Variants in PWP1 observed in about 807,000 individuals in gnomAD.
The protein encoded by PWP1 is PWP1 homolog, endonuclein, also known as periodic tryptophan protein 1 homolog.
In PWP1, 47 loss-of-function variants were observed where a neutral mutation model predicts 69.9. That is an observed-to-expected ratio of 0.67 (90% CI 0.53 to 0.86). PWP1 has a LOEUF of 0.86. Among genes scored for constraint, PWP1 ranks in the 40% least tolerant of loss-of-function variants. The probability of loss-of-function intolerance (pLI) is 0.00; values close to 1 mark genes in which losing one functional copy is unlikely to be tolerated. For synonymous variants in PWP1, 222 were observed against 208.2 expected, an observed-to-expected ratio of 1.07 and a Z score of -0.57; for missense variants, 551 against 608.8, an observed-to-expected ratio of 0.91 and a Z score of 1.00.
intron 3 of PWP1, among the ~76,000 whole-genome samples, chr12:107,689,488 G>C (rs1889439263): frequency 6.6e-6 from 1 of 152,192 alleles, no homozygotes; most frequent in Non-Finnish European, 1.5e-5. Context: ...ACTCACGCCT[G>C]TAATCCCAGC....
intron 13 of PWP1, among the ~76,000 whole-genome samples, chr12:107,709,800 T>TATAA (rs1235056169): frequency 1.3e-5 from 2 of 151,944 alleles, no homozygotes; most frequent in African/African-American, 2.4e-5. Context: ...AATAAATATA[T>TATAA]ATAAATATAA....
At chr12:107,686,216 A>T (rs1439322235) in intron 1 of PWP1, 3 of 575,224 alleles carry the variant, frequency 5.2e-6, no homozygotes, top group Non-Finnish European at 3.1e-6. Context: ...CCCACTCCCA[A>T]ATTCGCACGC....
At chr12:107,699,784 CTT>C (rs1465086667) in intron 8 of PWP1, among the ~76,000 whole-genome samples, 1 of 152,202 alleles carries the variant, frequency 6.6e-6, no homozygotes, top group Non-Finnish European at 1.5e-5. Flanking sequence ...ACCACATACT[CTT>C]TTATTCTTTT....
chr12:107,709,540 T>C (rs891208219), intron 13 of PWP1, among the ~76,000 whole-genome samples: 1 of 146,490 alleles, frequency 6.8e-6, no homozygotes, highest in African/African-American at 2.5e-5. Context: ...AACCCTGAAA[T>C]CAAGACCATC....
chr12:107,689,474 C>T (rs1351200874), intron 3 of PWP1, among the ~76,000 whole-genome samples: 2 of 152,110 alleles, frequency 1.3e-5, no homozygotes, highest in African/African-American at 2.4e-5. Context: ...GCCAGGTGCA[C>T]GTGACTCACG....
At position 107,696,493 on chromosome 12, in the gene PWP1, C is replaced by A; in HGVS notation, c.522C>A (p.Asp174Glu). 1.9e-6 allele frequency: 3 copies of A among 1,613,458 alleles called. No homozygotes were observed. The highest frequency in any genetic ancestry group is 2.5e-6 in the Non-Finnish European group (3 of 1,179,836). Reference sequence around the variant, plus strand: ...TTTCAGTTTATAATCAAGAAGAAGACTCTTTTTATGTACACCATGATATAC... The same window carrying A: ...TTTCAGTTTATAATCAAGAAGAAGAATCTTTTTATGTACACCATGATATAC... ...LEVHVYNQEE[D>E]SFYVHHDILL... The change falls in exon 6 of 15, where the codon GAC (aspartate) becomes GAA (glutamate). Residue 174 changes from aspartate (D) to glutamate (E), a missense_variant. Physicochemically the swap from Asp to Glu is conservative, Grantham distance 45 (BLOSUM62 2). Transcript: ENST00000412830.
chr12:107,697,395 T>C, intron 6 of PWP1, 72 bp from the exon 7 acceptor site: 1 of 1,445,506 alleles, frequency 6.9e-7, no homozygotes, highest in South Asian at 1.4e-5. Flanking sequence ...TAATCTACAG[T>C]ATAATGTATT....
chr12:107,698,669 G>A (rs1265613074), intron 7 of PWP1, among the ~76,000 whole-genome samples: 1 of 152,214 alleles, frequency 6.6e-6, no homozygotes, highest in East Asian at 1.9e-4. Context: ...ACTGCAGCCT[G>A]AAACGCCTAG....
intron 8 of PWP1, among the ~76,000 whole-genome samples, chr12:107,699,725 TTG>T (rs1052645230): frequency 6.6e-6 from 1 of 152,216 alleles, no homozygotes; most frequent in African/African-American, 2.4e-5. Context: ...TGCAGTAGGA[TTG>T]TGTTTCTTCC....
intron 12 of PWP1, 25 bp downstream of exon 12, chr12:107,709,041 A>G: frequency 6.2e-7 from 1 of 1,613,492 alleles, no homozygotes; most frequent in South Asian, 1.1e-5. Flanking sequence ...TGCTTCTTTC[A>G]TTTTTCTTAA....
At chr12:107,686,707 C>T (rs1473360347) in intron 1 of PWP1, among the ~76,000 whole-genome samples, 1 of 152,226 alleles carries the variant, frequency 6.6e-6, no homozygotes, top group Non-Finnish European at 1.5e-5. Flanking sequence ...TGGCTCACGC[C>T]TGTAATCCCA....
intron 14 of PWP1, among the ~76,000 whole-genome samples, chr12:107,711,222 TC>T (rs1351083748): frequency 5.9e-5 from 9 of 152,206 alleles, no homozygotes; most frequent in Non-Finnish European, 1.0e-4. Flanking sequence ...CAGATCGAGA[TC>T]GCTCATGCTA....
Position 107,685,917 on chromosome 12 carries a change from G to A in PWP1, c.18G>A (p.Gln6=). The A allele has an allele frequency of 6.2e-7, 1 of 1,613,964 alleles. No individual in the cohort carries two copies. Among genetic ancestry groups the A allele is most frequent in the Non-Finnish European group, 8.5e-7 (1 of 1,179,980 alleles). MNRSR[Q]VTCVAWVRCG... ...TGAGGACCATGAACCGCAGCCGCCA[G>A]GTGACGTGCGTGGCCTGGGTCCGCT... Residue 6 remains glutamine (Q), a synonymous_variant, in exon 1 of 15, where the codon CAG becomes CAA. Coordinates refer to ENST00000412830, the MANE Select transcript of PWP1 (RefSeq NM_007062.3).
At chr12:107,698,943 AT>A (rs1418472016) in intron 7 of PWP1, among the ~76,000 whole-genome samples, 1 of 152,116 alleles carries the variant, frequency 6.6e-6, no homozygotes. Flanking sequence ...GGTTTTATTT[AT>A]TTTATTCTTC....
intron 8 of PWP1, among the ~76,000 whole-genome samples, chr12:107,701,450 G>T (rs192868170): frequency 6.6e-6 from 1 of 152,252 alleles, no homozygotes; most frequent in Admixed American, 6.5e-5. Flanking sequence ...TCATGTGATG[G>T]TGTCTACTTT....
intron 10 of PWP1, 110 bp from the exon 11 acceptor site, chr12:107,704,526 C>G: frequency 1.4e-6 from 1 of 721,848 alleles, no homozygotes; most frequent in South Asian, 2.1e-5. Context: ...TTAAAACAGG[C>G]TTTAAATGAA....
At chr12:107,694,704 C>T (rs969220597) in intron 5 of PWP1, among the ~76,000 whole-genome samples, 2 of 152,024 alleles carry the variant, frequency 1.3e-5, no homozygotes, top group African/African-American at 2.4e-5. Flanking sequence ...TTGTCATCAT[C>T]GATTTTTTTA....
Position 107,685,839 on chromosome 12 carries a change from G to T in PWP1, c.-61G>T. On this transcript the variant is annotated 5_prime_UTR_variant, in exon 1 of 15. Coordinates refer to ENST00000412830, the MANE Select transcript of PWP1 (RefSeq NM_007062.3). Reference sequence around the variant, plus strand: ...ATCCCTGAGCGTGTGGCAGCAGTGCGGTCGTGGTCCCTCCCTATGCAGCCT... The same window carrying T: ...ATCCCTGAGCGTGTGGCAGCAGTGCTGTCGTGGTCCCTCCCTATGCAGCCT... 1 of 1,570,808 alleles carries T rather than the reference G, an allele frequency of 6.4e-7. No individual in the cohort carries two copies. The highest frequency in any genetic ancestry group is 8.8e-7 in the Non-Finnish European group (1 of 1,142,260).
intron 3 of PWP1, among the ~76,000 whole-genome samples, chr12:107,689,177 C>T (rs1203505648): frequency 3.3e-5 from 5 of 152,166 alleles, no homozygotes; most frequent in Admixed American, 6.6e-5. Flanking sequence ...CCCTTATCCA[C>T]GGTTTTGCTT....
Sources: allele counts gnomAD v4.1 joint callset (sites outside exome capture counted in the v4.1 genomes callset), GRCh38; gene constraint gnomAD v4.1.1; transcripts MANE v1.5; gene names NCBI Gene and HGNC (gene_info 2026-07-23, HGNC 2026-07-21).